Variants in ITGA10 observed in about 807,000 individuals in gnomAD.
ITGA10 encodes integrin subunit alpha 10, also known as integrin alpha-10.
ITGA10 carries 105 observed loss-of-function variants against 145.2 expected under a neutral mutation model. The observed-to-expected ratio is 0.72, with a 90% CI of 0.62 to 0.85. The LOEUF is 0.85. ITGA10 is among the 40% of genes least tolerant of loss of function. The probability of loss-of-function intolerance (pLI) is 0.00; values close to 1 mark genes in which losing one functional copy is unlikely to be tolerated. For missense variants in ITGA10, 1,317 were observed against 1,444.5 expected (o/e 0.91, Z 1.43); for synonymous variants, 506 against 557.8 (o/e 0.91, Z 1.31).
rs145699714 is a variant in ITGA10, at chr1:145,904,677, C to G, written c.609+7G>C. 9.9e-6 allele frequency: 16 copies of G among 1,613,936 alleles called. No individual in the cohort carries two copies. The African/African-American group carries it at 2.0e-4, about 20-fold the overall frequency. On this transcript the variant is annotated splice_region_variant and intron_variant, in intron 6 of 29. Transcript: ENST00000369304. ...AACTGTGCCCAGCTCATATTGCCTT[C>G]TCTTACCTGTATCTGTTCTGGGTCA...
In ITGA10 at chr1:145,906,496, GA is replaced by G; in HGVS notation, c.378del (p.Leu127SerfsTer66). 1 of 1,614,078 alleles carries G rather than the reference GA, an allele frequency of 6.2e-7. No individual in the cohort carries two copies. Among genetic ancestry groups the G allele is most frequent in the South Asian group, 1.1e-5 (1 of 91,078 alleles). The stretch of plus-strand genomic sequence containing the variant: ...GAGCTGCCACAAGCACGAGACCAGA[GA>G]GGGGCACAGGCCTGGGGATGGGGGA... The part of the protein sequence containing the change: ...DGDGGFMACA[P>X]LWSRACGSSV... On this transcript the variant is annotated frameshift_variant, in exon 5 of 30. Coordinates refer to ENST00000369304, the MANE Select transcript of ITGA10 (RefSeq NM_003637.5). LOFTEE classifies it high-confidence loss of function.
chr1:145,898,193 A>G lies in ITGA10; in HGVS notation c.2263T>C (p.Leu755=). 1.9e-6 allele frequency: 3 copies of G among 1,614,036 alleles called. No individual in the cohort carries two copies. The highest frequency in any genetic ancestry group is 2.5e-6 in the Non-Finnish European group (3 of 1,179,916). The change falls in exon 18 of 30, where the codon TTG becomes CTG. Residue 755 remains leucine, a synonymous_variant. Coordinates refer to ENST00000369304, the MANE Select transcript of ITGA10 (RefSeq NM_003637.5). ...DTSDYLRPVA[L]TVTFALDNTT... is the part of the protein sequence containing the mutation. ...TTGTCCAAGGCAAAGGTCACAGTCAAGGCCACTGGCCGGAGGTAATCTGAT... is the reference window on the plus strand; with the variant it reads ...TTGTCCAAGGCAAAGGTCACAGTCAGGGCCACTGGCCGGAGGTAATCTGAT...
intron 27 of ITGA10, among the ~76,000 whole-genome samples, chr1:145,894,724 C>T (rs976230766): frequency 6.6e-6 from 1 of 152,200 alleles, no homozygotes; most frequent in Admixed American, 6.5e-5. Context: ...ATCTAGATCC[C>T]TCTCACCTAT....
intron 19 of ITGA10, 34 bp downstream of exon 19, chr1:145,897,781 T>C (rs1424176457): frequency 8.1e-6 from 13 of 1,609,268 alleles, no homozygotes; most frequent in Non-Finnish European, 1.1e-5. Context: ...CTGTCTCAGG[T>C]CACCCTGGTT....
At chr1:145,907,536 G>T in intron 1 of ITGA10, 71 bp from the exon 2 acceptor site, 1 of 1,596,340 alleles carries the variant, frequency 6.3e-7, no homozygotes, top group Non-Finnish European at 8.5e-7. Context: ...GAGAAGCTGT[G>T]AGGAAGCGTC....
Position 145,902,912 on chromosome 1 carries a change from G to C in ITGA10, c.808C>G (p.Leu270Val), listed in dbSNP as rs1553749588. ...SHGGRPEAAR[L>V]LVVVTDGESH... ...TCTCCATCAGTGACAACCACCAGTA[G>C]CCTGGCAGCCTCGGGTCGGCCCCCA... Residue 270 changes from leucine to valine, a missense_variant, in exon 8 of 30, where the codon CTA becomes GTA. Transcript: ENST00000369304. 6.2e-7 allele frequency: 1 copy of C among 1,613,564 alleles called. No individual in the cohort carries two copies. The highest frequency in any genetic ancestry group is 1.3e-5 in the African/African-American group (1 of 74,850).
intron 7 of ITGA10, 103 bp downstream of exon 7, chr1:145,903,949 A>C (rs1656733779): frequency 7.3e-7 from 1 of 1,361,000 alleles, no homozygotes. Flanking sequence ...TTGCCTCCCA[A>C]AGTGCTGGGA....
In ITGA10 at chr1:145,898,817, G is replaced by A. The variant is rs587595754; in HGVS notation, c.2232+119C>T. The A allele has an allele frequency of 9.6e-6, 12 of 1,248,344 alleles. No individual in the cohort carries two copies. The East Asian group carries it at 2.6e-4, about 28-fold the overall frequency. The allele number at this position is 1,248,344 out of a possible 1,614,324, so 77.3% of individuals were successfully genotyped here. ...CAGATCAGCCCTGACTCCAAAGTCTGAATCATCTCATTTTCCCGGCTTTGG... is the reference window on the plus strand; with the variant it reads ...CAGATCAGCCCTGACTCCAAAGTCTAAATCATCTCATTTTCCCGGCTTTGG... On this transcript the variant is annotated intron_variant, in intron 17 of 29. Coordinates refer to ENST00000369304, the MANE Select transcript of ITGA10 (RefSeq NM_003637.5).
chr1:145,894,528 CAT>C, intron 27 of ITGA10, among the ~76,000 whole-genome samples: 1 of 152,278 alleles, frequency 6.6e-6, no homozygotes, highest in East Asian at 1.9e-4. Context: ...TTCCCTAAAA[CAT>C]ATGATGACAT....
Position 145,900,806 on chromosome 1 carries a change from C to T in ITGA10, c.1775G>A (p.Arg592Lys). 1 of 1,614,168 alleles carries T rather than the reference C, an allele frequency of 6.2e-7. No individual in the cohort carries two copies. The highest frequency in any genetic ancestry group is 2.2e-5 in the East Asian group (1 of 44,886). ...ACTCCTGACCTGGGCAGGATGGGGCCTGACTCCACTCTGGGTTCCATGGTA... is the reference window on the plus strand; with the variant it reads ...ACTCCTGACCTGGGCAGGATGGGGCTTGACTCCACTCTGGGTTCCATGGTA... Reference protein sequence around the residue: ...YLYHGTQSGVRPHPAQRIAAA... With the variant: ...YLYHGTQSGVKPHPAQRIAAA... The change falls in exon 14 of 30, where the codon AGG (arginine) becomes AAG (lysine). Residue 592 changes from arginine to lysine, a missense_variant. By Grantham distance (26) the Arg-to-Lys change is conservative (BLOSUM62 2). Transcript: ENST00000369304.
chr1:145,903,638 T>G (rs1656691114), intron 7 of ITGA10, among the ~76,000 whole-genome samples: 3 of 151,154 alleles, frequency 2.0e-5, no homozygotes, highest in Admixed American at 2.0e-4. Context: ...CTGCCCTAAC[T>G]CTTCTTCTTC....
chr1:145,906,340 T>C (rs782469318), intron 5 of ITGA10, 54 bp downstream of exon 5: 2 of 1,382,940 alleles, frequency 1.4e-6, no homozygotes, highest in Admixed American at 3.4e-5. Flanking sequence ...CCCATCTTTT[T>C]CCCACCCAGT....
chr1:145,903,002 GAC>G (rs34766827), intron 7 of ITGA10, 41 bp from the exon 8 acceptor site: 17,579 of 1,032,606 alleles, frequency 0.017, 1 homozygote, highest in East Asian at 0.039. Flanking sequence ...GATGTATGCA[GAC>G]ACACACACAC....
intron 27 of ITGA10, among the ~76,000 whole-genome samples, chr1:145,894,810 T>C (rs1038175183): frequency 1.3e-5 from 2 of 152,240 alleles, no homozygotes; most frequent in Non-Finnish European, 2.9e-5. Context: ...AGCAAAAATA[T>C]GTTAAGCGCC....
At position 145,892,786 on chromosome 1, in the gene ITGA10, C is replaced by T. The variant is rs782377233; in HGVS notation, c.*12G>A. 2 of 1,605,564 alleles carry T rather than the reference C, an allele frequency of 1.2e-6. No individual in the cohort carries two copies. The highest frequency in any genetic ancestry group is 1.3e-5 in the African/African-American group (1 of 74,744). ...GCTGCCAGGGAGGACTTTCTAGACCCTTATTCTACATTCATTGCTCCAACT... is the reference window on the plus strand; with the variant it reads ...GCTGCCAGGGAGGACTTTCTAGACCTTTATTCTACATTCATTGCTCCAACT... On this transcript the variant is annotated 3_prime_UTR_variant, in exon 30 of 30. Transcript: ENST00000369304.
intron 29 of ITGA10, 40 bp from the exon 30 acceptor site, chr1:145,892,903 ACTGGGAAC>A: frequency 6.5e-7 from 1 of 1,526,734 alleles, no homozygotes; most frequent in South Asian, 1.1e-5. Context: ...AAATGCCTAG[ACTGGGAAC>A]CTTGCCAGTA....
intron 6 of ITGA10, among the ~76,000 whole-genome samples, 164 bp from the exon 7 acceptor site, chr1:145,904,364 T>C (rs587602271): frequency 6.6e-5 from 10 of 152,180 alleles, no homozygotes; most frequent in Non-Finnish European, 2.9e-5. Context: ...AGCCCATCCA[T>C]ATTGCCTTTC....
chr1:145,906,989 C>G, intron 3 of ITGA10, 52 bp downstream of exon 3: 3 of 1,356,456 alleles, frequency 2.2e-6, no homozygotes, highest in Non-Finnish European at 3.0e-6. Context: ...GTTGAAGCTT[C>G]TAGAGTATCA....
In ITGA10 at chr1:145,896,087, G is replaced by C. The variant is rs868925667; in HGVS notation, c.2929C>G (p.Leu977Val). ...AGGCCACTGACCACATAGCAGCCTA[G>C]GTTCTGAACCTAAGAGGAAGGTTGG... is the stretch of plus-strand genomic sequence containing the variant. ...EFKTTLRVQNLGCYVVSGLII... is the reference protein window; with the variant it reads ...EFKTTLRVQNVGCYVVSGLII... The change falls in exon 25 of 30, where the codon CTA becomes GTA. Residue 977 changes from leucine (L) to valine (V), a missense_variant. Coordinates refer to ENST00000369304, the MANE Select transcript of ITGA10 (RefSeq NM_003637.5). The C allele has an allele frequency of 6.2e-7, 1 of 1,613,928 alleles. No homozygotes were observed. Among genetic ancestry groups the C allele is most frequent in the Non-Finnish European group, 8.5e-7 (1 of 1,179,924 alleles).
Sources: gnomAD v4.1 joint callset for allele counts (sites outside exome capture counted in the v4.1 genomes callset) on GRCh38, gnomAD v4.1.1 for gene constraint, MANE v1.5 for transcripts, NCBI Gene and HGNC (gene_info 2026-07-23, HGNC 2026-07-21) for gene names.